C6orf58: variants seen among roughly 807,000 people sequenced by gnomAD.
The protein encoded by C6orf58 is protein LEG1 homolog.
A neutral mutation model predicts 37.0 loss-of-function variants in C6orf58; 30 were observed. The ratio of observed to expected loss-of-function variants is 0.81; its 90% CI spans 0.61 to 1.10. The LOEUF (loss-of-function observed/expected upper bound fraction) is 1.10. Ranked by LOEUF, C6orf58 falls within the 50% of genes least tolerant of loss-of-function variation. C6orf58 has a pLI of 0.00. For synonymous variants in C6orf58, 143 were observed against 134.1 expected (o/e 1.07, Z -0.46); for missense variants, 368 against 387.5 (o/e 0.95, Z 0.42).
Position 127,577,357 on chromosome 6 carries a change from C to A in C6orf58, c.172C>A (p.Leu58Ile). Residue 58 changes from leucine (L) to isoleucine (I), a missense_variant, in exon 1 of 6, where the codon CTT (leucine) becomes ATT (isoleucine). Physicochemically the swap from Leu to Ile is conservative, Grantham distance 5. Coordinates refer to ENST00000329722, the MANE Select transcript of C6orf58 (RefSeq NM_001010905.3). ...GTACATTATTAATCCCTGGGTATAC[C>A]TTGAGAGAATGGGGATGTATAAAAT... ...SMYIINPWVYLERMGMYKIIL... is the reference protein window; with the variant it reads ...SMYIINPWVYIERMGMYKIIL... 1 of 1,613,564 alleles carries A rather than the reference C, an allele frequency of 6.2e-7. No individual in the cohort carries two copies. Among genetic ancestry groups the A allele is most frequent in the Non-Finnish European group, 8.5e-7 (1 of 1,179,662 alleles).
At position 127,578,678 on chromosome 6, in the gene C6orf58, TCC is replaced by T. The variant is rs1775015595; in HGVS notation, c.302-7_302-6del. On this transcript the variant is annotated splice_region_variant and splice_polypyrimidine_tract_variant and intron_variant, in intron 1 of 5. Transcript: ENST00000329722. ...AATAAATACGACTGTGCATCCTCTCTCCTCCAGGCAGATTAGCTGATCCAACC... is the reference window on the plus strand; with the variant it reads ...AATAAATACGACTGTGCATCCTCTCTTCCAGGCAGATTAGCTGATCCAACC... 2 of 1,605,656 alleles carry T rather than the reference TCC, an allele frequency of 1.2e-6. No individual in the cohort carries two copies. Among genetic ancestry groups the T allele is most frequent in the Admixed American group, 3.3e-5 (2 of 59,796 alleles).
Position 127,580,393 on chromosome 6 carries a change from T to G in C6orf58, c.517T>G (p.Ser173Ala). The G allele has an allele frequency of 6.2e-7, 1 of 1,613,246 alleles. No homozygotes were observed. The highest frequency in any genetic ancestry group is 1.3e-5 in the African/African-American group (1 of 75,010). The change falls in exon 3 of 6, where the codon TCT becomes GCT. Residue 173 changes from serine to alanine, a missense_variant. Physicochemically the swap from Ser to Ala is moderately conservative, Grantham distance 99. Transcript: ENST00000329722. ...TGAGAGGAAGTTTTGTTATGATGTT[T>G]CTAGCTGTCGTTCATCCTTCCCTGA... ...KNERKFCYDVSSCRSSFPETM... is the reference protein window; with the variant it reads ...KNERKFCYDVASCRSSFPETM...
At chr6:127,579,248 T>C (rs1167659138) in intron 2 of C6orf58, among the ~76,000 whole-genome samples, 1 of 152,174 alleles carries the variant, frequency 6.6e-6, no homozygotes, top group African/African-American at 2.4e-5. Flanking sequence ...ATATACTTAA[T>C]GCTAAAATAA....
intron 2 of C6orf58, among the ~76,000 whole-genome samples, 157 bp from the exon 3 acceptor site, chr6:127,580,108 C>G (rs1245276690): frequency 1.3e-5 from 2 of 151,834 alleles, no homozygotes; most frequent in Non-Finnish European, 2.9e-5. Flanking sequence ...TATATTTGAT[C>G]CTTAGGGGGA....
chr6:127,587,053 A>G (rs1775114354), intron 4 of C6orf58, among the ~76,000 whole-genome samples: 1 of 152,030 alleles, frequency 6.6e-6, no homozygotes, highest in Non-Finnish European at 1.5e-5. Context: ...TATCAGCATT[A>G]TTTTTCTATT....
intron 5 of C6orf58, among the ~76,000 whole-genome samples, chr6:127,590,580 C>T (rs775593620): frequency 6.6e-6 from 1 of 151,894 alleles, no homozygotes. Flanking sequence ...GTTGGCAAAC[C>T]AACTGAAACA....
At position 127,578,768 on chromosome 6, in the gene C6orf58, G is replaced by A. The variant is rs773914066; in HGVS notation, c.384G>A (p.Trp128Ter). 1.3e-5 allele frequency: 21 copies of A among 1,610,258 alleles called. No homozygotes were observed. The highest frequency in any genetic ancestry group is 3.3e-5 in the Admixed American group (2 of 59,760). The change falls in exon 2 of 6, where the codon TGG (tryptophan) becomes TGA (stop). Residue 128 changes from tryptophan to a stop codon, truncating the protein, a stop_gained. Transcript: ENST00000329722. LOFTEE classifies it high-confidence loss of function. Reference protein sequence around the residue: ...DHMCISVDSWWADLNYFLSSL... With the variant: ...DHMCISVDSW ...TGTGCATCTCTGTGGACAGTTGGTG[G>A]GCTGGTATGTTCGTTTAAGTGGCAA...
chr6:127,578,728 A>G lies in C6orf58; in HGVS notation c.344A>G (p.Glu115Gly). The change falls in exon 2 of 6, where the codon GAA becomes GGA. Residue 115 changes from glutamate to glycine, a missense_variant. Glu to Gly is a moderately conservative substitution (Grantham distance 98). Transcript: ENST00000329722. Reference protein sequence around the residue: ...DPTRRTNCGYESGDHMCISVD... With the variant: ...DPTRRTNCGYGSGDHMCISVD... ...ACCCGAAGGACAAACTGTGGCTATG[A>G]ATCTGGAGATCATATGTGCATCTCT... The G allele has an allele frequency of 6.2e-7, 1 of 1,612,952 alleles. No individual in the cohort carries two copies. The highest frequency in any genetic ancestry group is 8.5e-7 in the Non-Finnish European group (1 of 1,179,148).
intron 4 of C6orf58, among the ~76,000 whole-genome samples, chr6:127,586,613 C>T (rs1289224254): frequency 6.6e-6 from 1 of 152,214 alleles, no homozygotes; most frequent in African/African-American, 2.4e-5. Context: ...TCTGCCTAGG[C>T]ATTTGGCTGT....
intron 4 of C6orf58, among the ~76,000 whole-genome samples, chr6:127,587,759 C>A (rs1775121256): frequency 6.6e-6 from 1 of 152,132 alleles, no homozygotes; most frequent in African/African-American, 2.4e-5. Flanking sequence ...ATAGTACATG[C>A]CACATAGGGC....
chr6:127,587,182 TTG>T (rs1428844499), intron 4 of C6orf58, among the ~76,000 whole-genome samples: 1 of 152,196 alleles, frequency 6.6e-6, no homozygotes. Context: ...ATTTTATTTC[TTG>T]TGTCATTTTT....
Position 127,579,815 on chromosome 6 carries a change from T to C in C6orf58, c.389-450T>C, listed in dbSNP as rs190052701. On this transcript the variant is annotated intron_variant, in intron 2 of 5. Coordinates refer to ENST00000329722, the MANE Select transcript of C6orf58 (RefSeq NM_001010905.3). The stretch of plus-strand genomic sequence containing the variant: ...ATATCATGATTACAAATTAAACTTA[T>C]GTGTATAAAATAGAAAACATTCATT... Among the ~76,000 whole-genome samples, 360 of 152,200 alleles carry C rather than the reference T, an allele frequency of 2.4e-3. 1 individual carries two copies. The highest frequency in any genetic ancestry group is 3.6e-3 in the Admixed American group (55 of 15,268).
At chr6:127,588,082 TCA>T (rs1379004517) in intron 4 of C6orf58, among the ~76,000 whole-genome samples, 5 of 152,202 alleles carry the variant, frequency 3.3e-5, no homozygotes, top group Non-Finnish European at 7.3e-5. Flanking sequence ...TTTCCTGGGT[TCA>T]CTCTCATGTT....
At chr6:127,586,626 CAACACTATGGTTCCAAT>C (rs1461922836) in intron 4 of C6orf58, among the ~76,000 whole-genome samples, 1 of 152,190 alleles carries the variant, frequency 6.6e-6, no homozygotes, top group Admixed American at 6.5e-5. Flanking sequence ...TTGGCTGTCT[CAACACTATGGTTCCAAT>C]AACTTCAAGT....
At position 127,584,262 on chromosome 6, in the gene C6orf58, A is replaced by G. The variant is rs138463812; in HGVS notation, c.674+2980A>G. On this transcript the variant is annotated intron_variant, in intron 4 of 5. Transcript: ENST00000329722. ...AAATGATCCAGCATGTGCCAAAAATATATCACTTGAGGTTTTTATTGCCTT... is the reference window on the plus strand; with the variant it reads ...AAATGATCCAGCATGTGCCAAAAATGTATCACTTGAGGTTTTTATTGCCTT... Among the ~76,000 whole-genome samples the G allele has an allele frequency of 3.4e-3, 514 of 152,334 alleles. 2 individuals carry two copies. Among genetic ancestry groups the G allele is most frequent in the Non-Finnish European group, 6.0e-3 (407 of 68,022 alleles).
intron 1 of C6orf58, 78 bp from the exon 2 acceptor site, chr6:127,578,608 T>A: frequency 1.1e-6 from 1 of 902,712 alleles, no homozygotes; most frequent in Non-Finnish European, 1.8e-6. Flanking sequence ...ACAAACAAAA[T>A]CTATGTGGTT....
intron 1 of C6orf58, among the ~76,000 whole-genome samples, chr6:127,577,723 C>G (rs1775005684): frequency 6.6e-6 from 1 of 152,046 alleles, no homozygotes; most frequent in African/African-American, 2.4e-5. Flanking sequence ...TAGTTATCAA[C>G]TGTGAAAAGA....
chr6:127,585,415 A>G (rs952686814), intron 4 of C6orf58, among the ~76,000 whole-genome samples: 2 of 152,242 alleles, frequency 1.3e-5, no homozygotes, highest in Non-Finnish European at 2.9e-5. Context: ...CATTTTAATC[A>G]GAGTGATAAT....
intron 1 of C6orf58, among the ~76,000 whole-genome samples, chr6:127,578,395 T>C (rs1214413118): frequency 6.6e-6 from 1 of 152,080 alleles, no homozygotes; most frequent in African/African-American, 2.4e-5. Context: ...GCATATTGCT[T>C]CATAGTTTCG....
Sources: allele counts gnomAD v4.1 joint callset (sites outside exome capture counted in the v4.1 genomes callset), GRCh38; gene constraint gnomAD v4.1.1; transcripts MANE v1.5; gene names NCBI Gene and HGNC (gene_info 2026-07-23, HGNC 2026-07-21).